GRM7: variants seen among roughly 807,000 people sequenced by gnomAD.
The protein encoded by GRM7 is metabotropic glutamate receptor 7.
In GRM7, 35 loss-of-function variants were observed where a neutral mutation model predicts 84.5. The ratio of observed to expected loss-of-function variants is 0.41; its 90% CI spans 0.32 to 0.55. The LOEUF is 0.55. Among genes scored for constraint, GRM7 ranks in the 20% least tolerant of loss-of-function variants. GRM7 has a pLI of 0.19. For synonymous variants in GRM7, 487 were observed against 455.1 expected (o/e 1.07, Z -0.89); for missense variants, 1,003 against 1,194.6 (o/e 0.84, Z 2.36).
At chr3:7,686,965 T>A (rs1226370512) in intron 9 of GRM7, among the ~76,000 whole-genome samples, 1 of 152,176 alleles carries the variant, frequency 6.6e-6, no homozygotes, top group African/African-American at 2.4e-5. Flanking sequence ...GGCCTTTCCA[T>A]CTGTAATTCA....
chr3:6,988,059 C>T (rs569864075), intron 1 of GRM7, among the ~76,000 whole-genome samples: 4 of 146,662 alleles, frequency 2.7e-5, no homozygotes, highest in Non-Finnish European at 4.5e-5. Context: ...TGCAGTGGCG[C>T]GAACTCGGCT....
chr3:6,896,182 C>A (rs907112848), intron 1 of GRM7, among the ~76,000 whole-genome samples: 1 of 152,198 alleles, frequency 6.6e-6, no homozygotes, highest in South Asian at 2.1e-4. Flanking sequence ...TGTGCTGTTG[C>A]AATGAGATTC....
At chr3:7,137,609 T>C (rs1482359443) in intron 1 of GRM7, among the ~76,000 whole-genome samples, 2 of 151,934 alleles carry the variant, frequency 1.3e-5, no homozygotes, top group African/African-American at 2.4e-5. Flanking sequence ...AGAAAAAAAC[T>C]TGGGGGAGAG....
rs1485107689 is a variant in GRM7 at position 7,305,634 on chromosome 3, G to GCTGCTGCTTTTTT, written c.879-864_879-863insCTGCTGCTTTTTT. Among the ~76,000 whole-genome samples, 213 of 45,914 alleles carry GCTGCTGCTTTTTT rather than the reference G, an allele frequency of 4.6e-3. 31 individuals are homozygous for GCTGCTGCTTTTTT. Among genetic ancestry groups the GCTGCTGCTTTTTT allele is most frequent in the Middle Eastern group, 0.019 (1 of 52 alleles). The allele number at this position is 45,914 out of a possible 152,430, so 30.1% of individuals were successfully genotyped here. ...GTTCTTGCGATAGTTTACTGAGAATGATTTTTTTCTTTAGAAAACTGTCAT... is the reference window on the plus strand; with the variant it reads ...GTTCTTGCGATAGTTTACTGAGAATGCTGCTGCTTTTTTATTTTTTTCTTTAGAAAACTGTCAT... On this transcript the variant is annotated intron_variant, in intron 3 of 9. Coordinates refer to ENST00000357716, the MANE Select transcript of GRM7 (RefSeq NM_000844.4).
intron 1 of GRM7, among the ~76,000 whole-genome samples, chr3:6,864,226 G>T (rs898189474): frequency 6.6e-6 from 1 of 152,228 alleles, no homozygotes; most frequent in Non-Finnish European, 1.5e-5. Context: ...TGGAGAAGAG[G>T]CTGGTAGTCT....
chr3:7,103,782 C>CTT (rs750212570), intron 1 of GRM7, among the ~76,000 whole-genome samples: 1 of 107,894 alleles, frequency 9.3e-6, no homozygotes, highest in African/African-American at 5.3e-5. Flanking sequence ...TTCTTTCTTT[C>CTT]TTTCTTTCTT....
At chr3:7,616,645 A>G (rs1301799054) in intron 8 of GRM7, among the ~76,000 whole-genome samples, 5 of 152,178 alleles carry the variant, frequency 3.3e-5, no homozygotes, top group African/African-American at 9.6e-5. Context: ...ACAATCAAAT[A>G]TGTATAGCTG....
At chr3:7,410,679 C>CAT (rs1490997870) in intron 4 of GRM7, among the ~76,000 whole-genome samples, 1 of 151,494 alleles carries the variant, frequency 6.6e-6, no homozygotes, top group Non-Finnish European at 1.5e-5. Context: ...CACACACACA[C>CAT]GCACATTTTG....
intron 2 of GRM7, among the ~76,000 whole-genome samples, chr3:7,224,066 C>T (rs1202349938): frequency 6.6e-6 from 1 of 152,188 alleles, no homozygotes; most frequent in Non-Finnish European, 1.5e-5. Flanking sequence ...CTATATCCAA[C>T]TTGGTATTAG....
At chr3:7,522,283 G>A (rs977548493) in intron 7 of GRM7, among the ~76,000 whole-genome samples, 19 of 149,530 alleles carry the variant, frequency 1.3e-4, no homozygotes, top group Middle Eastern at 6.8e-3. Context: ...CAATCAACTC[G>A]GGGTAGGGGG....
intron 4 of GRM7, among the ~76,000 whole-genome samples, chr3:7,317,023 G>C (rs917071774): frequency 6.6e-6 from 1 of 152,118 alleles, no homozygotes; most frequent in East Asian, 1.9e-4. Context: ...TTGGAAACCA[G>C]GTAACGTAAC....
chr3:7,722,645 G>A (rs1057279677), intron 9 of GRM7, among the ~76,000 whole-genome samples: 12 of 152,044 alleles, frequency 7.9e-5, no homozygotes, highest in African/African-American at 1.2e-4. Context: ...GGTTCACCAC[G>A]TTGGCCAGGC....
At chr3:7,002,644 G>A (rs1431764350) in intron 1 of GRM7, among the ~76,000 whole-genome samples, 2 of 152,068 alleles carry the variant, frequency 1.3e-5, no homozygotes, top group Non-Finnish European at 2.9e-5. Context: ...GTGAGAATGT[G>A]AATAGTATAG....
intron 1 of GRM7, among the ~76,000 whole-genome samples, chr3:7,081,617 G>C (rs1230208854): frequency 6.6e-6 from 1 of 152,090 alleles, no homozygotes; most frequent in African/African-American, 2.4e-5. Flanking sequence ...TCAACAGCTA[G>C]AAATGATTAA....
chr3:7,527,443 C>T (rs1575454420), intron 7 of GRM7, among the ~76,000 whole-genome samples: 1 of 151,864 alleles, frequency 6.6e-6, no homozygotes, highest in South Asian at 2.1e-4. Context: ...TTTACAGTTT[C>T]CAATGTATAG....
chr3:7,302,931 ATTT>A (rs761399796), intron 3 of GRM7, among the ~76,000 whole-genome samples: 9 of 121,942 alleles, frequency 7.4e-5, no homozygotes, highest in African/African-American at 3.3e-4. Flanking sequence ...TGATTGTTCT[ATTT>A]TTTTTTTTTT....
intron 1 of GRM7, among the ~76,000 whole-genome samples, chr3:7,060,612 ATTG>A (rs1468194438): frequency 6.6e-6 from 1 of 151,740 alleles, no homozygotes; most frequent in African/African-American, 2.4e-5. Context: ...TAAATTAACT[ATTG>A]TTATGTTAAG....
intron 1 of GRM7, among the ~76,000 whole-genome samples, chr3:6,957,437 C>T (rs1693106002): frequency 1.3e-5 from 2 of 152,188 alleles, no homozygotes. Context: ...GCAAAACGCT[C>T]CCTCTGCATT....
chr3:7,561,403 T>C (rs762783152), intron 7 of GRM7: 3 of 362,992 alleles, frequency 8.3e-6, no homozygotes, highest in African/African-American at 4.2e-5. Context: ...TCTGTATTTT[T>C]ATTGTTTAAT....
Sources: allele counts gnomAD v4.1 joint callset (sites outside exome capture counted in the v4.1 genomes callset), GRCh38; gene constraint gnomAD v4.1.1; transcripts MANE v1.5; gene names NCBI Gene and HGNC (gene_info 2026-07-23, HGNC 2026-07-21).